IL15RA: variants seen among roughly 807,000 people sequenced by gnomAD.
IL15RA encodes the protein interleukin 15 receptor subunit alpha, also known as interleukin-15 receptor subunit alpha.
IL15RA carries 26 observed loss-of-function variants against 24.2 expected under a neutral mutation model. The ratio of observed to expected loss-of-function variants is 1.07; its 90% CI spans 0.79 to 1.49. The LOEUF (loss-of-function observed/expected upper bound fraction) is 1.49. Ranked by LOEUF, IL15RA falls within the 40% of genes most tolerant of loss-of-function variation. The pLI is 0.00. For missense variants in IL15RA, 354 were observed against 356.4 expected (o/e 0.99, Z 0.05); for synonymous variants, 166 against 157.6 (o/e 1.05, Z -0.40).
chr10:5,961,763 T>C lies in IL15RA; in HGVS notation c.383-1196A>G, dbSNP rs41294161. ...CTCTCCATGAAAAATGTGTCTTCCA[T>C]TGTGACAGCCACGGAATCTAGGAAA... On this transcript the variant is annotated intron_variant, in intron 3 of 6. Coordinates refer to ENST00000379977, the MANE Select transcript of IL15RA (RefSeq NM_002189.4). This position sits in a 1 kb window ranked among gnomAD's most constrained non-coding sequence, Gnocchi z 5.2. Among the ~76,000 whole-genome samples, 744 of 152,340 alleles carry C rather than the reference T, an allele frequency of 4.9e-3. 3 individuals carry two copies. Among genetic ancestry groups the C allele is most frequent in the African/African-American group, 0.013 (525 of 41,572 alleles).
At position 5,968,906 on chromosome 10, in the gene IL15RA, G is replaced by A; in HGVS notation, c.89-2567C>T. ...CAGATATTCTGCTCCTTCCCGCCAGGACAGCCAGCCTGTCTCTTGCATCTG... is the reference window on the plus strand; with the variant it reads ...CAGATATTCTGCTCCTTCCCGCCAGAACAGCCAGCCTGTCTCTTGCATCTG... On this transcript the variant is annotated intron_variant, in intron 1 of 6. Coordinates refer to ENST00000379977, the MANE Select transcript of IL15RA (RefSeq NM_002189.4). The surrounding 1 kb of genome is among the most constrained non-coding windows in gnomAD (Gnocchi z 5.4). 2 of 1,485,108 alleles carry A rather than the reference G, an allele frequency of 1.3e-6. No homozygotes were observed. The highest frequency in any genetic ancestry group is 1.2e-5 in the South Asian group (1 of 83,080). The allele number at this position is 1,485,108 out of a possible 1,614,324, so 92.0% of individuals were successfully genotyped here. A position where few individuals can be genotyped will look rare whatever the true frequency, so the allele number is the denominator to read the frequency against.
rs1835407384 is a variant in IL15RA at position 5,960,943 on chromosome 10, T to C, written c.383-376A>G. On this transcript the variant is annotated intron_variant, in intron 3 of 6. Transcript: ENST00000379977. The surrounding 1 kb of genome is among the most constrained non-coding windows in gnomAD (Gnocchi z 5.1). ...TTCCTTCTTTTTTTGAGATGGAATC[T>C]TGCTCTGTTGCCAAGGTTGGAGTGC... 6.6e-6 allele frequency among the ~76,000 whole-genome samples: 1 copy of C among 152,062 alleles called. No homozygotes were observed. The highest frequency in any genetic ancestry group is 2.4e-5 in the African/African-American group (1 of 41,388).
At position 5,970,066 on chromosome 10, in the gene IL15RA, C is replaced by A. The variant is rs1837325832; in HGVS notation, c.89-3727G>T. Among the ~76,000 whole-genome samples, 2 of 152,152 alleles carry A rather than the reference C, an allele frequency of 1.3e-5. No individual in the cohort carries two copies. The highest frequency in any genetic ancestry group is 2.9e-5 in the Non-Finnish European group (2 of 68,030). ...TATTCTAATAGCAGCTTTGTAGATT[C>A]CATATGATTTCCTATGGAGATGATC... On this transcript the variant is annotated intron_variant, in intron 1 of 6. Coordinates refer to ENST00000379977, the MANE Select transcript of IL15RA (RefSeq NM_002189.4). This position sits in a 1 kb window ranked among gnomAD's most constrained non-coding sequence, Gnocchi z 4.1.
Position 5,966,067 on chromosome 10 carries a change from C to G in IL15RA, c.283+78G>C. The G allele has an allele frequency of 9.6e-7, 1 of 1,038,252 alleles. No homozygotes were observed. The highest frequency in any genetic ancestry group is 2.5e-5 in the East Asian group (1 of 40,186). The allele number at this position is 1,038,252 out of a possible 1,614,324, so 64.3% of individuals were successfully genotyped here. ...AGACCTCAGCACAGATCCCTTGACC[C>G]CTGAGATGGGGTCTTCTCTCTGTGC... On this transcript the variant is annotated intron_variant, in intron 2 of 6. Transcript: ENST00000379977. The surrounding 1 kb of genome is among the most constrained non-coding windows in gnomAD (Gnocchi z 6.4).
chr10:5,974,001 A>G (rs1485624897), intron 1 of IL15RA, among the ~76,000 whole-genome samples: 1 of 151,498 alleles, frequency 6.6e-6, no homozygotes, highest in African/African-American at 2.4e-5. Context: ...TACATAAGAC[A>G]GAGTCAGAAA....
chr10:5,957,887 C>T (rs542368577), intron 5 of IL15RA, among the ~76,000 whole-genome samples: 12 of 152,260 alleles, frequency 7.9e-5, no homozygotes, highest in Middle Eastern at 3.4e-3. Context: ...CCACAGCGCC[C>T]GGCTGATTTT....
chr10:5,956,475 C>A (rs1391412677), intron 5 of IL15RA, 21 bp from the exon 6 acceptor site: 24 of 1,571,960 alleles, frequency 1.5e-5, no homozygotes, highest in Non-Finnish European at 1.9e-5. Flanking sequence ...GGAGACCACG[C>A]TGAGATACCC....
chr10:5,972,576 T>C (rs1011056623), intron 1 of IL15RA, among the ~76,000 whole-genome samples: 3 of 152,268 alleles, frequency 2.0e-5, no homozygotes, highest in Non-Finnish European at 4.4e-5. Context: ...TTTATTTATT[T>C]ACTTTTCTTA....
In IL15RA at chr10:5,966,068, C is replaced by T; in HGVS notation, c.283+77G>A. 3 of 1,063,298 alleles carry T rather than the reference C, an allele frequency of 2.8e-6. No individual in the cohort carries two copies. Among genetic ancestry groups the T allele is most frequent in the Non-Finnish European group, 4.2e-6 (3 of 707,266 alleles). The allele number at this position is 1,063,298 out of a possible 1,614,324, so 65.9% of individuals were successfully genotyped here. A position where few individuals can be genotyped will look rare whatever the true frequency, so the allele number is the denominator to read the frequency against. On this transcript the variant is annotated intron_variant, in intron 2 of 6. Transcript: ENST00000379977. This position sits in a 1 kb window ranked among gnomAD's most constrained non-coding sequence, Gnocchi z 6.4. ...GACCTCAGCACAGATCCCTTGACCC[C>T]TGAGATGGGGTCTTCTCTCTGTGCA...
chr10:5,950,171 A>C (rs1468785087), downstream of IL15RA, among the ~76,000 whole-genome samples: 2 of 152,142 alleles, frequency 1.3e-5, no homozygotes, highest in Non-Finnish European at 2.9e-5. This position sits in a 1 kb window ranked among gnomAD's most constrained non-coding sequence, Gnocchi z 5.6. Flanking sequence ...CTTTTTCTTC[A>C]AGGCAAATGT....
rs886714548 is a variant in IL15RA at position 5,961,042 on chromosome 10, G to A, written c.383-475C>T. On this transcript the variant is annotated intron_variant, in intron 3 of 6. Coordinates refer to ENST00000379977, the MANE Select transcript of IL15RA (RefSeq NM_002189.4). This position sits in a 1 kb window ranked among gnomAD's most constrained non-coding sequence, Gnocchi z 5.2. ...AATTCTCCCTGCCTCAGCCTCCCAA[G>A]TAGCTGGAATTACAGGTGTCCACCA... Among the ~76,000 whole-genome samples, 3 of 152,148 alleles carry A rather than the reference G, an allele frequency of 2.0e-5. No individual in the cohort carries two copies. Among genetic ancestry groups the A allele is most frequent in the Admixed American group, 1.3e-4 (2 of 15,274 alleles).
At position 5,975,874 on chromosome 10, in the gene IL15RA, C is replaced by T. The variant is rs997642405; in HGVS notation, c.88+1531G>A. On this transcript the variant is annotated intron_variant, in intron 1 of 6. Coordinates refer to ENST00000379977, the MANE Select transcript of IL15RA (RefSeq NM_002189.4). This position sits in a 1 kb window ranked among gnomAD's most constrained non-coding sequence, Gnocchi z 4.8. Reference sequence around the variant, plus strand: ...CGCTACTGCACCCCAGCCGGGGTGACAGAGTGAGACTCCGTCTCAAAAAAG... The same window carrying T: ...CGCTACTGCACCCCAGCCGGGGTGATAGAGTGAGACTCCGTCTCAAAAAAG... Among the ~76,000 whole-genome samples the T allele has an allele frequency of 1.3e-5, 2 of 151,874 alleles. No homozygotes were observed. Among genetic ancestry groups the T allele is most frequent in the Non-Finnish European group, 2.9e-5 (2 of 67,982 alleles).
chr10:5,971,286 A>C lies in IL15RA; in HGVS notation c.89-4947T>G, dbSNP rs1336699552. Among the ~76,000 whole-genome samples, 1 of 152,228 alleles carries C rather than the reference A, an allele frequency of 6.6e-6. No individual in the cohort carries two copies. The highest frequency in any genetic ancestry group is 1.5e-5 in the Non-Finnish European group (1 of 68,042). ...AAGTAATGGAAATTGGAGTAAACTT[A>C]TGGCTCTAGGACTTTCAAAACTCTG... On this transcript the variant is annotated intron_variant, in intron 1 of 6. Coordinates refer to ENST00000379977, the MANE Select transcript of IL15RA (RefSeq NM_002189.4). This position sits in a 1 kb window ranked among gnomAD's most constrained non-coding sequence, Gnocchi z 5.5.
downstream of IL15RA, among the ~76,000 whole-genome samples, chr10:5,949,598 G>A (rs1833733834): frequency 6.6e-6 from 1 of 152,206 alleles, no homozygotes; most frequent in African/African-American, 2.4e-5. The surrounding 1 kb of genome is among the most constrained non-coding windows in gnomAD (Gnocchi z 4.4). Flanking sequence ...AAGTCCTTGG[G>A]GAACAGGGGG....
Position 5,977,413 on chromosome 10 carries a change from G to A in IL15RA, c.80C>T (p.Ala27Val). 7.5e-7 allele frequency: 1 copy of A among 1,333,438 alleles called. No homozygotes were observed. Among genetic ancestry groups the A allele is most frequent in the Non-Finnish European group, 9.6e-7 (1 of 1,042,370 alleles). The allele number at this position is 1,333,438 out of a possible 1,614,324, so 82.6% of individuals were successfully genotyped here. The change falls in exon 1 of 7, where the codon GCG (alanine) becomes GTG (valine). Residue 27 changes from alanine to valine, a missense_variant. Coordinates refer to ENST00000379977, the MANE Select transcript of IL15RA (RefSeq NM_002189.4). ...LLLLLLLRPP[A>V]TRGITCPPPM... Reference sequence around the variant, plus strand: ...TGCTCCCAGCTCCCTACCCCGCGTCGCCGGCGGCCGGAGCAGCAGCAGCAG... The same window carrying A: ...TGCTCCCAGCTCCCTACCCCGCGTCACCGGCGGCCGGAGCAGCAGCAGCAG...
chr10:5,960,636 G>T lies in IL15RA; in HGVS notation c.383-69C>A. ...CCCCTCCTCTCAGCTGCAGCACGGGGTGATGTGGGAGCTGCCATAGTGAGT... is the reference window on the plus strand; with the variant it reads ...CCCCTCCTCTCAGCTGCAGCACGGGTTGATGTGGGAGCTGCCATAGTGAGT... On this transcript the variant is annotated intron_variant, in intron 3 of 6. Transcript: ENST00000379977. The surrounding 1 kb of genome is among the most constrained non-coding windows in gnomAD (Gnocchi z 5.1). 1 of 1,365,088 alleles carries T rather than the reference G, an allele frequency of 7.3e-7. No individual in the cohort carries two copies. Among genetic ancestry groups the T allele is most frequent in the Non-Finnish European group, 1.0e-6 (1 of 970,106 alleles). 84.6% of individuals were successfully genotyped at this position (1,365,088 alleles called of 1,614,324 possible).
At position 5,953,269 on chromosome 10, in the gene IL15RA, G is replaced by A. The variant is rs746566990; in HGVS notation, c.693-63C>T. ...GGGGGTTGCCCTCAAATCAACAGAC[G>A]CTTCCCACTGAGCATGTATGTCCAG... On this transcript the variant is annotated intron_variant, in intron 6 of 6. Transcript: ENST00000379977. This position sits in a 1 kb window ranked among gnomAD's most constrained non-coding sequence, Gnocchi z 5.3. 1.5e-5 allele frequency: 18 copies of A among 1,167,830 alleles called. No homozygotes were observed. The highest frequency in any genetic ancestry group is 1.4e-4 in the Admixed American group (8 of 57,770). 72.3% of individuals were successfully genotyped at this position (1,167,830 alleles called of 1,614,324 possible).
rs559909819 is a variant in IL15RA, at chr10:5,956,860, C to A, written c.617-406G>T. ...CAGGGACACACCCCTCCTCTGCTGT[C>A]CCCAGTACAACGCCCACTTTGCTTC... On this transcript the variant is annotated intron_variant, in intron 5 of 6. Coordinates refer to ENST00000379977, the MANE Select transcript of IL15RA (RefSeq NM_002189.4). Among the ~76,000 whole-genome samples, 30 of 152,290 alleles carry A rather than the reference C, an allele frequency of 2.0e-4. 1 individual carries two copies. Among genetic ancestry groups the A allele is most frequent in the Admixed American group, 1.8e-3 (27 of 15,296 alleles).
chr10:5,956,592 T>A, intron 5 of IL15RA, 138 bp from the exon 6 acceptor site: 1 of 667,084 alleles, frequency 1.5e-6, no homozygotes, highest in Non-Finnish European at 2.7e-6. Context: ...TTTCTTAAGG[T>A]CCATGCAATT....
Sources: allele counts gnomAD v4.1 joint callset (sites outside exome capture counted in the v4.1 genomes callset), GRCh38; gene constraint gnomAD v4.1.1; non-coding constraint Gnocchi (gnomAD v3.1); transcripts MANE v1.5; gene names NCBI Gene and HGNC (gene_info 2026-07-23, HGNC 2026-07-21).